The following CSMD1 variants were observed in gnomAD, a reference collection of about 807,000 sequenced individuals.
The protein encoded by CSMD1 is CUB and Sushi multiple domains 1, also known as CUB and sushi domain-containing protein 1.
In CSMD1, 213 loss-of-function variants were observed where a neutral mutation model predicts 417.5. That is an observed-to-expected ratio of 0.51 (90% CI 0.46 to 0.57). CSMD1 has a LOEUF of 0.57. Ranked by LOEUF, CSMD1 falls within the 20% of genes least tolerant of loss-of-function variation. CSMD1 has a pLI of 0.00. For missense variants in CSMD1, 6,923 were observed against 4,529.7 expected (o/e 1.53, Z -15.17); for synonymous variants, 2,862 against 1,736.8 (o/e 1.65, Z -16.11).
chr8:3,635,445 C>G (rs1304657570), intron 7 of CSMD1, among the ~76,000 whole-genome samples: 5 of 150,922 alleles, frequency 3.3e-5, no homozygotes, highest in African/African-American at 4.9e-5. Context: ...GAGTGCACCA[C>G]TACACTCCAG....
At chr8:4,236,063 T>G (rs1802039535) in intron 3 of CSMD1, among the ~76,000 whole-genome samples, 1 of 146,214 alleles carries the variant, frequency 6.8e-6, no homozygotes, top group Non-Finnish European at 1.5e-5. Context: ...TTTTTTTTTT[T>G]TTTTTTGTAA....
At chr8:3,139,854 A>G (rs945231011) in intron 41 of CSMD1, among the ~76,000 whole-genome samples, 2 of 151,804 alleles carry the variant, frequency 1.3e-5, no homozygotes, top group African/African-American at 2.4e-5. Flanking sequence ...AGGTACCTAG[A>G]GCATAGGATA....
At chr8:3,694,591 A>G (rs2624058) in intron 7 of CSMD1, among the ~76,000 whole-genome samples, 143,959 of 151,816 alleles carry the variant, frequency 0.95, 68,337 homozygotes, top group East Asian at 0.99. Context: ...CCACCCTGCA[A>G]AACTCAGGAG....
At chr8:3,300,539 T>G (rs1221803402) in intron 25 of CSMD1, among the ~76,000 whole-genome samples, 4 of 152,158 alleles carry the variant, frequency 2.6e-5, no homozygotes, top group Admixed American at 2.6e-4. Flanking sequence ...CTAAGACATA[T>G]GAGGATGCTC....
intron 3 of CSMD1, among the ~76,000 whole-genome samples, chr8:4,232,063 G>A (rs1158888794): frequency 6.6e-6 from 1 of 152,192 alleles, no homozygotes. Flanking sequence ...TGTTAGAAGA[G>A]CGAAGTAGTA....
At chr8:3,577,268 T>C (rs1424588112) in intron 9 of CSMD1, among the ~76,000 whole-genome samples, 2 of 152,186 alleles carry the variant, frequency 1.3e-5, no homozygotes, top group Non-Finnish European at 2.9e-5. Flanking sequence ...AAGTAACTTT[T>C]AATAAAATAT....
At chr8:4,447,025 G>A (rs953701880) in intron 2 of CSMD1, among the ~76,000 whole-genome samples, 4 of 152,008 alleles carry the variant, frequency 2.6e-5, no homozygotes, top group African/African-American at 4.8e-5. Flanking sequence ...GGATTGTGGA[G>A]TTAACAAAAA....
At chr8:3,273,501 G>A (rs1230637167) in intron 26 of CSMD1, among the ~76,000 whole-genome samples, 1 of 152,282 alleles carries the variant, frequency 6.6e-6, no homozygotes, top group Non-Finnish European at 1.5e-5. Flanking sequence ...AGTTTCAGAA[G>A]GAATGGTACA....
intron 12 of CSMD1, among the ~76,000 whole-genome samples, chr8:3,441,940 G>A (rs1450231721): frequency 1.3e-5 from 2 of 152,094 alleles, no homozygotes; most frequent in Non-Finnish European, 1.5e-5. Flanking sequence ...CTTCATTCAT[G>A]TGTGGTATTG....
chr8:4,171,338 G>A (rs1049702924), intron 3 of CSMD1, among the ~76,000 whole-genome samples: 1 of 151,724 alleles, frequency 6.6e-6, no homozygotes, highest in Non-Finnish European at 1.5e-5. Context: ...TTACAGTTGT[G>A]GAAACAACTC....
chr8:4,817,547 CCTTTT>C (rs1224236873), intron 1 of CSMD1, among the ~76,000 whole-genome samples: 3 of 152,186 alleles, frequency 2.0e-5, no homozygotes, highest in African/African-American at 7.2e-5. Context: ...TGCATGGTTT[CCTTTT>C]CAAAGTAAAA....
chr8:4,902,135 T>G (rs899338527), intron 1 of CSMD1, among the ~76,000 whole-genome samples: 1 of 152,134 alleles, frequency 6.6e-6, no homozygotes, highest in Admixed American at 6.5e-5. Context: ...TGAAGTTTGT[T>G]AAAAAGAAAA....
chr8:4,467,122 TAA>T (rs35481238), intron 2 of CSMD1, among the ~76,000 whole-genome samples: 80 of 86,216 alleles, frequency 9.3e-4, no homozygotes, highest in Middle Eastern at 7.1e-3. Context: ...TTCTTCAGAG[TAA>T]AAAAAAAAAA....
rs1802654928 is a variant in CSMD1 at position 3,280,561 on chromosome 8, C to G, written c.4153+3583G>C. Among the ~76,000 whole-genome samples, 2 of 152,136 alleles carry G rather than the reference C, an allele frequency of 1.3e-5. 1 individual carries two copies. The highest frequency in any genetic ancestry group is 3.9e-4 in the East Asian group (2 of 5,174). ...AAATGAGTATTTCTGAAAATTTATA[C>G]CAGAATTTGGATTTATTAACTAGTG... On this transcript the variant is annotated intron_variant, in intron 26 of 69. Transcript: ENST00000635120.
At position 4,637,294 on chromosome 8, in the gene CSMD1, T is replaced by G; in HGVS notation, c.302+48A>C. On this transcript the variant is annotated intron_variant, in intron 2 of 69. Coordinates refer to ENST00000635120, the MANE Select transcript of CSMD1 (RefSeq NM_033225.6). ...AATATTCCAACTAGATTTCATAATC[T>G]GTGTATTCAAACAGTGCTAACTGTA... The G allele has an allele frequency of 2.1e-6, 3 of 1,400,962 alleles. No homozygotes were observed. The East Asian group carries it at 6.9e-5, about 32-fold the overall frequency. The allele number at this position is 1,400,962 out of a possible 1,614,324, so 86.8% of individuals were successfully genotyped here.
At chr8:4,329,766 C>T (rs1799763766) in intron 3 of CSMD1, among the ~76,000 whole-genome samples, 1 of 151,970 alleles carries the variant, frequency 6.6e-6, no homozygotes, top group Admixed American at 6.6e-5. Context: ...TGGCTTGGGC[C>T]ATCCCCTTGG....
intron 5 of CSMD1, among the ~76,000 whole-genome samples, chr8:3,990,924 G>A (rs1250683540): frequency 6.6e-6 from 1 of 152,164 alleles, no homozygotes. Context: ...TTCCTTCACT[G>A]CCTGGTGAAA....
intron 2 of CSMD1, among the ~76,000 whole-genome samples, chr8:4,466,099 C>G (rs1046378456): frequency 2.6e-5 from 4 of 152,142 alleles, no homozygotes; most frequent in Admixed American, 2.0e-4. Context: ...TATCATGACA[C>G]CAGCTCTCGA....
Position 4,521,474 on chromosome 8 carries a change from G to A in CSMD1, c.303-101409C>T, listed in dbSNP as rs1333251068. On this transcript the variant is annotated intron_variant, in intron 2 of 69. Coordinates refer to ENST00000635120, the MANE Select transcript of CSMD1 (RefSeq NM_033225.6). ...ATTTTATGTTGTTCTTGAAGAATATGCATTTATATAAGAAAATTCTACTTC... is the reference window on the plus strand; with the variant it reads ...ATTTTATGTTGTTCTTGAAGAATATACATTTATATAAGAAAATTCTACTTC... Among the ~76,000 whole-genome samples, 3 of 152,248 alleles carry A rather than the reference G, an allele frequency of 2.0e-5. No individual in the cohort carries two copies. The East Asian group carries it at 5.8e-4, about 29-fold the overall frequency.
Sources: gnomAD v4.1 joint callset for allele counts (sites outside exome capture counted in the v4.1 genomes callset) on GRCh38, gnomAD v4.1.1 for gene constraint, MANE v1.5 for transcripts, NCBI Gene and HGNC (gene_info 2026-07-23, HGNC 2026-07-21) for gene names.